TPRG1: variants seen among roughly 807,000 people sequenced by gnomAD.
The protein encoded by TPRG1 is tumor protein p63 regulated 1, also known as tumor protein p63-regulated gene 1 protein.
TPRG1 carries 29 observed loss-of-function variants against 29.3 expected under a neutral mutation model. The observed-to-expected ratio is 0.99, with a 90% CI of 0.74 to 1.35. The LOEUF (loss-of-function observed/expected upper bound fraction) is 1.35. TPRG1 is among the 40% of genes most tolerant of loss of function. TPRG1 has a pLI of 0.00. For synonymous variants in TPRG1, 130 were observed against 116.8 expected (o/e 1.11, Z -0.73); for missense variants, 327 against 335.0 (o/e 0.98, Z 0.19).
At chr3:189,122,616 A>G (rs1351999784) in intron 1 of TPRG1, among the ~76,000 whole-genome samples, 1 of 152,242 alleles carries the variant, frequency 6.6e-6, no homozygotes, top group Non-Finnish European at 1.5e-5. Flanking sequence ...CAGATCATCT[A>G]GTCCAACCCT....
upstream of TPRG1, among the ~76,000 whole-genome samples, chr3:189,169,261 C>T (rs954039540): frequency 7.9e-5 from 12 of 152,146 alleles, no homozygotes; most frequent in Admixed American, 2.6e-4. Context: ...GCCTCCTGGG[C>T]TTAAGCGATT....
In TPRG1 at chr3:189,222,091, G is replaced by T. The variant is rs184654811; in HGVS notation, c.302+6708G>T. 1.5e-3 allele frequency among the ~76,000 whole-genome samples: 223 copies of T among 152,238 alleles called. 1 individual carries two copies. The highest frequency in any genetic ancestry group is 6.8e-3 in the Middle Eastern group (2 of 294). ...TTGTTTGCAGGGAATAGGATCAGGG[G>T]TTCATTGGGCAGGTTCAGGGACCTT... On this transcript the variant is annotated intron_variant, in intron 3 of 5. Transcript: ENST00000345063.
chr3:188,999,887 G>T (rs879707529), intron 1 of TPRG1, among the ~76,000 whole-genome samples: 2 of 151,852 alleles, frequency 1.3e-5, no homozygotes, highest in Non-Finnish European at 2.9e-5. Context: ...ATTTATTCAG[G>T]ATAAATTTCT....
upstream of TPRG1, among the ~76,000 whole-genome samples, chr3:189,098,843 T>C (rs1415075579): frequency 6.6e-6 from 1 of 152,122 alleles, no homozygotes; most frequent in African/African-American, 2.4e-5. Flanking sequence ...TGTTTTTCCC[T>C]ATGTAGAAAA....
chr3:189,117,848 A>C (rs1721363308), intron 1 of TPRG1, among the ~76,000 whole-genome samples: 1 of 152,190 alleles, frequency 6.6e-6, no homozygotes, highest in African/African-American at 2.4e-5. Context: ...ACTTCTTTAT[A>C]AATTACCCAG....
chr3:189,218,519 G>A (rs1016979526), intron 3 of TPRG1, among the ~76,000 whole-genome samples: 22 of 152,188 alleles, frequency 1.4e-4, no homozygotes, highest in African/African-American at 5.3e-4. Context: ...TCTAGCAACA[G>A]GGCTGCCTGT....
intron 4 of TPRG1, among the ~76,000 whole-genome samples, chr3:189,248,645 T>G (rs1333694736): frequency 6.6e-6 from 1 of 151,260 alleles, no homozygotes; most frequent in East Asian, 1.9e-4. Context: ...TATTATTATA[T>G]TTCATATATC....
rs529119423 is a variant in TPRG1, at chr3:189,225,780, T to G, written c.302+10397T>G. ...AGAAGGGTGAAGAGAAGGAAGCCTG[T>G]GCTTCCAATGGTCTGTTCAGTAGAC... On this transcript the variant is annotated intron_variant, in intron 3 of 5. Transcript: ENST00000345063. Among the ~76,000 whole-genome samples, 2 of 152,330 alleles carry G rather than the reference T, an allele frequency of 1.3e-5. 1 individual carries two copies. The highest frequency in any genetic ancestry group is 1.3e-4 in the Admixed American group (2 of 15,300).
intron 4 of TPRG1, among the ~76,000 whole-genome samples, chr3:189,088,968 A>ATATCTATC (rs36139441): frequency 0.028 from 4,185 of 148,972 alleles, 65 homozygotes; most frequent in Admixed American, 0.039. Flanking sequence ...GTATCTATTG[A>ATATCTATC]TATCTATCTA....
rs535908976 is a variant in TPRG1 at position 189,262,899 on chromosome 3, T to C, written c.479+23990T>C. Among the ~76,000 whole-genome samples, 97 of 152,350 alleles carry C rather than the reference T, an allele frequency of 6.4e-4. 2 individuals carry two copies. The South Asian group carries it at 0.019, about 30-fold the overall frequency. ...GCTGGCAGCTGGCCAGAGGTATCAG[T>C]TCCTTGCCATGTGGGCCTTTCCGTG... is the stretch of plus-strand genomic sequence containing the variant. On this transcript the variant is annotated intron_variant, in intron 4 of 5. Transcript: ENST00000345063.
At chr3:189,084,628 A>G (rs908841265) in intron 4 of TPRG1, among the ~76,000 whole-genome samples, 3 of 152,258 alleles carry the variant, frequency 2.0e-5, no homozygotes, top group African/African-American at 7.2e-5. Flanking sequence ...AAAGCTATTC[A>G]TTAACTAAGC....
rs368610308 is a variant in TPRG1 at position 189,217,914 on chromosome 3, A to G, written c.302+2531A>G. The G allele has an allele frequency of 1.8e-5, 18 of 985,344 alleles. No individual in the cohort carries two copies. The African/African-American group carries it at 3.0e-4, about 16-fold the overall frequency. The allele number at this position is 985,344 out of a possible 1,614,324, so 61.0% of individuals were successfully genotyped here. On this transcript the variant is annotated intron_variant, in intron 3 of 5. Coordinates refer to ENST00000345063, the MANE Select transcript of TPRG1 (RefSeq NM_198485.4). ...GGGAAAGGCAAAAACAACAACAATG[A>G]GAACACAAAAACAAAAATCCCAACT... is the stretch of plus-strand genomic sequence containing the variant.
chr3:189,216,108 T>A (rs1289428135), intron 3 of TPRG1, among the ~76,000 whole-genome samples: 1 of 152,182 alleles, frequency 6.6e-6, no homozygotes, highest in Non-Finnish European at 1.5e-5. Context: ...AATATCCCTA[T>A]AATAAGAGAA....
chr3:189,275,229 C>A (rs148905982), intron 4 of TPRG1, among the ~76,000 whole-genome samples: 133 of 152,158 alleles, frequency 8.7e-4, no homozygotes, highest in African/African-American at 3.1e-3. Context: ...TCCAAACAAT[C>A]TTAATAGAAT....
intron 4 of TPRG1, among the ~76,000 whole-genome samples, chr3:189,299,191 A>G (rs763422213): frequency 8.6e-5 from 13 of 151,962 alleles, no homozygotes; most frequent in Non-Finnish European, 1.6e-4. Flanking sequence ...GAGGCCAGTG[A>G]TTTGCCAAAT....
chr3:189,261,537 A>T (rs1332531504), intron 4 of TPRG1, among the ~76,000 whole-genome samples: 1 of 152,220 alleles, frequency 6.6e-6, no homozygotes, highest in Admixed American at 6.5e-5. Flanking sequence ...TACATTCAGA[A>T]AGTCCTTCCT....
At chr3:189,127,172 A>G (rs1333905382) in exon 2 of TPRG1, 1 of 152,148 alleles carries the variant, frequency 6.6e-6, no homozygotes, top group African/African-American at 2.4e-5. Flanking sequence ...ATCATCCCTT[A>G]CAGAAGATCC....
intron 4 of TPRG1, among the ~76,000 whole-genome samples, chr3:189,247,028 G>A (rs1332552351): frequency 3.3e-5 from 5 of 151,862 alleles, no homozygotes; most frequent in African/African-American, 9.7e-5. Context: ...AACAAGTTTC[G>A]GAGGTTTGGG....
chr3:189,093,622 A>G (rs1718483454), intron 4 of TPRG1, among the ~76,000 whole-genome samples: 1 of 152,158 alleles, frequency 6.6e-6, no homozygotes, highest in Non-Finnish European at 1.5e-5. Flanking sequence ...GCTAAATGTG[A>G]TCTTTCATCT....
Sources: gnomAD v4.1 joint callset for allele counts (sites outside exome capture counted in the v4.1 genomes callset) on GRCh38, gnomAD v4.1.1 for gene constraint, MANE v1.5 for transcripts, NCBI Gene and HGNC (gene_info 2026-07-23, HGNC 2026-07-21) for gene names.